MFSD6: variants seen among roughly 807,000 people sequenced by gnomAD.
The protein encoded by MFSD6 is major facilitator superfamily domain-containing protein 6.
MFSD6 carries 26 observed loss-of-function variants against 56.3 expected under a neutral mutation model. That is an observed-to-expected ratio of 0.46 (90% CI 0.34 to 0.64). The LOEUF (loss-of-function observed/expected upper bound fraction) is 0.64, where lower values mean the gene tolerates loss of function less well. Among genes scored for constraint, MFSD6 ranks in the 30% least tolerant of loss-of-function variants. The pLI is 0.01. For synonymous variants in MFSD6, 331 were observed against 366.9 expected, an observed-to-expected ratio of 0.90 and a Z score of 1.12; for missense variants, 750 against 986.2, an observed-to-expected ratio of 0.76 and a Z score of 3.21.
rs530176014 is a variant in MFSD6 at position 190,423,154 on chromosome 2, C to T, written c.-54+7741C>T. ...GTATCCTGTACCCCCTGACTTTTCC[C>T]CAGTGATAACATCTTGCAAAACTAT... On this transcript the variant is annotated intron_variant, in intron 2 of 7. Transcript: ENST00000392328. The surrounding 1 kb of genome is among the most constrained non-coding windows in gnomAD (Gnocchi z 4.3). 6.6e-6 allele frequency among the ~76,000 whole-genome samples: 1 copy of T among 152,268 alleles called. No homozygotes were observed. Among genetic ancestry groups the T allele is most frequent in the Non-Finnish European group, 1.5e-5 (1 of 68,016 alleles).
chr2:190,444,298 A>G (rs1444255082), intron 3 of MFSD6, among the ~76,000 whole-genome samples: 1 of 152,216 alleles, frequency 6.6e-6, no homozygotes, highest in Non-Finnish European at 1.5e-5. Context: ...AGCCCAGTGT[A>G]TGAGTATTCT....
chr2:190,488,933 G>T lies in MFSD6; in HGVS notation c.1792+115G>T. 1 of 1,033,354 alleles carries T rather than the reference G, an allele frequency of 9.7e-7. No homozygotes were observed. The highest frequency in any genetic ancestry group is 2.8e-5 in the East Asian group (1 of 35,322). 64.0% of individuals were successfully genotyped at this position (1,033,354 alleles called of 1,614,324 possible). A position where few individuals can be genotyped will look rare whatever the true frequency, so the allele number is the denominator to read the frequency against. On this transcript the variant is annotated intron_variant, in intron 5 of 7. Coordinates refer to ENST00000392328, the MANE Select transcript of MFSD6 (RefSeq NM_017694.4). The surrounding 1 kb of genome is among the most constrained non-coding windows in gnomAD (Gnocchi z 6.4). ...GAAGATTGCCCAAAGCTAAATTCCA[G>T]TATTCATAATCTCTTTCTAGATTTC...
chr2:190,446,214 T>C (rs941133466), intron 3 of MFSD6, among the ~76,000 whole-genome samples: 1 of 152,200 alleles, frequency 6.6e-6, no homozygotes, highest in Non-Finnish European at 1.5e-5. Flanking sequence ...CTGAACTTTA[T>C]CTGAGTTTTA....
rs1344159911 is a variant in MFSD6 at position 190,410,724 on chromosome 2, A to AT, written c.-176+2225dup. Among the ~76,000 whole-genome samples the AT allele has an allele frequency of 2.6e-5, 4 of 152,088 alleles. No individual in the cohort carries two copies. The highest frequency in any genetic ancestry group is 9.7e-5 in the African/African-American group (4 of 41,392). On this transcript the variant is annotated intron_variant, in intron 1 of 7. Coordinates refer to ENST00000392328, the MANE Select transcript of MFSD6 (RefSeq NM_017694.4). This position sits in a 1 kb window ranked among gnomAD's most constrained non-coding sequence, Gnocchi z 4.4. ...TGCAAAAAATGTGTGTCTGCTAGCT[A>AT]TTTTGCACATTGGCTGAAAAATCAA...
In MFSD6 at chr2:190,499,647, C is replaced by T. The variant is rs1357626048; in HGVS notation, c.2173-368C>T. Among the ~76,000 whole-genome samples the T allele has an allele frequency of 2.6e-5, 4 of 152,226 alleles. No homozygotes were observed. The highest frequency in any genetic ancestry group is 6.5e-5 in the Admixed American group (1 of 15,286). On this transcript the variant is annotated intron_variant, in intron 7 of 7. Transcript: ENST00000392328. This position sits in a 1 kb window ranked among gnomAD's most constrained non-coding sequence, Gnocchi z 6.0. ...TCTTGGATTCTGTGGTCTTAGCAAG[C>T]GGCCTGAGTTTCAGTTATTCCATAG... is the stretch of plus-strand genomic sequence containing the variant.
chr2:190,409,071 C>T (rs533847740), intron 1 of MFSD6, among the ~76,000 whole-genome samples: 1 of 152,106 alleles, frequency 6.6e-6, no homozygotes, highest in South Asian at 2.1e-4. Flanking sequence ...TTAATAAATA[C>T]GGAAAAAAAA....
chr2:190,408,371 AGCGCGCGAGCAGCCCGGGATGGT>A lies in MFSD6; in HGVS notation c.-301_-279del, dbSNP rs1387050004. On this transcript the variant is annotated 5_prime_UTR_variant, in exon 1 of 8. It removes an upstream start codon present in the reference 5' UTR. Coordinates refer to ENST00000392328, the MANE Select transcript of MFSD6 (RefSeq NM_017694.4). ...GCCCAGCCCGTCGCAGCCCCGGAGG[AGCGCGCGAGCAGCCCGGGATGGT>A]GCGCGCTGCCCCGACAGCCGCCGCC... The A allele has an allele frequency of 1.3e-5, 2 of 149,344 alleles. No individual in the cohort carries two copies. Among genetic ancestry groups the A allele is most frequent in the Non-Finnish European group, 3.0e-5 (2 of 67,066 alleles). The allele number at this position is 149,344 out of a possible 1,614,324, so 9.3% of individuals were successfully genotyped here.
intron 2 of MFSD6, among the ~76,000 whole-genome samples, chr2:190,427,757 G>A (rs1438535784): frequency 6.6e-6 from 1 of 150,384 alleles, no homozygotes; most frequent in Non-Finnish European, 1.5e-5. Flanking sequence ...TTGAGACAGA[G>A]TTTCACTCTT....
chr2:190,484,518 T>C (rs1688899088), intron 4 of MFSD6, among the ~76,000 whole-genome samples: 1 of 152,214 alleles, frequency 6.6e-6, no homozygotes, highest in Admixed American at 6.5e-5. Context: ...GTCTTACAAA[T>C]ATGGGAAATG....
At position 190,500,361 on chromosome 2, in the gene MFSD6, A is replaced by T; in HGVS notation, c.*143A>T. ...TAAATATCTAAACTCATTAACATGG[A>T]AACACACACACAGGAGCTACAGTAC... is the stretch of plus-strand genomic sequence containing the variant. On this transcript the variant is annotated 3_prime_UTR_variant, in exon 8 of 8. Coordinates refer to ENST00000392328, the MANE Select transcript of MFSD6 (RefSeq NM_017694.4). This position sits in a 1 kb window ranked among gnomAD's most constrained non-coding sequence, Gnocchi z 5.3. The T allele has an allele frequency of 3.7e-6, 3 of 812,766 alleles. No homozygotes were observed. The highest frequency in any genetic ancestry group is 3.6e-5 in the South Asian group (2 of 56,338). The allele number at this position is 812,766 out of a possible 1,614,324, so 50.3% of individuals were successfully genotyped here.
In MFSD6 at chr2:190,412,321, A is replaced by G. The variant is rs960173806; in HGVS notation, c.-175-2971A>G. 29 of 984,120 alleles carry G rather than the reference A, an allele frequency of 2.9e-5. No homozygotes were observed. Among genetic ancestry groups the G allele is most frequent in the Non-Finnish European group, 3.4e-5 (28 of 828,850 alleles). The allele number at this position is 984,120 out of a possible 1,614,324, so 61.0% of individuals were successfully genotyped here. A position where few individuals can be genotyped will look rare whatever the true frequency, so the allele number is the denominator to read the frequency against. ...AGAGGGAATTGTAAAAGTATTTTAC[A>G]GAAGAGATATTCTCACAATTTTAGG... On this transcript the variant is annotated intron_variant, in intron 1 of 7. Coordinates refer to ENST00000392328, the MANE Select transcript of MFSD6 (RefSeq NM_017694.4). This position sits in a 1 kb window ranked among gnomAD's most constrained non-coding sequence, Gnocchi z 4.1.
In MFSD6 at chr2:190,461,975, C is replaced by T. The variant is rs6434392; in HGVS notation, c.1533-7783C>T. ...TTTGACAGTACTTTTTTCCCTACCA[C>T]TTAAATCTTTATTATTATGTGATTA... On this transcript the variant is annotated intron_variant, in intron 3 of 7. Transcript: ENST00000392328. This position sits in a 1 kb window ranked among gnomAD's most constrained non-coding sequence, Gnocchi z 5.5. 0.9 allele frequency among the ~76,000 whole-genome samples: 136,598 copies of T among 152,068 alleles called. 61,816 individuals carry two copies. Among genetic ancestry groups the T allele is most frequent in the East Asian group, 1 (5,164 of 5,178 alleles).
rs200423423 is a variant in MFSD6 at position 190,487,905 on chromosome 2, T to A, written c.1631-752T>A. On this transcript the variant is annotated intron_variant, in intron 4 of 7. Transcript: ENST00000392328. This position sits in a 1 kb window ranked among gnomAD's most constrained non-coding sequence, Gnocchi z 5.5. ...TTTCTAGTTACCTAGTCAAAATAAT[T>A]TTTTTTTCTTTTTTGAGACAGAATC... is the stretch of plus-strand genomic sequence containing the variant. 9.0e-6 allele frequency among the ~76,000 whole-genome samples: 1 copy of A among 111,658 alleles called. No individual in the cohort carries two copies. The allele number at this position is 111,658 out of a possible 152,430, so 73.3% of individuals were successfully genotyped here.
chr2:190,479,822 T>G (rs1236570916), intron 4 of MFSD6, among the ~76,000 whole-genome samples: 3 of 152,214 alleles, frequency 2.0e-5, no homozygotes, highest in African/African-American at 7.2e-5. Context: ...TAGGATGCTC[T>G]ATCAGTGGGA....
intron 4 of MFSD6, among the ~76,000 whole-genome samples, chr2:190,473,171 G>A (rs1395368182): frequency 2.0e-5 from 3 of 152,146 alleles, no homozygotes; most frequent in Non-Finnish European, 4.4e-5. Context: ...GGAAGAAACT[G>A]CATCAACCAA....
Position 190,456,632 on chromosome 2 carries a change from C to T in MFSD6, c.1533-13126C>T, listed in dbSNP as rs144523323. 6.3e-3 allele frequency among the ~76,000 whole-genome samples: 966 copies of T among 152,332 alleles called. 8 individuals carry two copies. The highest frequency in any genetic ancestry group is 0.034 in the Middle Eastern group (10 of 294). On this transcript the variant is annotated intron_variant, in intron 3 of 7. Coordinates refer to ENST00000392328, the MANE Select transcript of MFSD6 (RefSeq NM_017694.4). This position sits in a 1 kb window ranked among gnomAD's most constrained non-coding sequence, Gnocchi z 5.4. Reference sequence around the variant, plus strand: ...CTCTGTGGCCTGTTCACACCCCTCTCCTTTCACAATCCTGTGTATGGTGCC... The same window carrying T: ...CTCTGTGGCCTGTTCACACCCCTCTTCTTTCACAATCCTGTGTATGGTGCC...
intron 4 of MFSD6, among the ~76,000 whole-genome samples, chr2:190,474,362 A>C (rs1404020892): frequency 2.0e-5 from 3 of 152,222 alleles, no homozygotes; most frequent in Non-Finnish European, 2.9e-5. Flanking sequence ...AAATAGACGC[A>C]ATAAAAAATG....
Position 190,469,856 on chromosome 2 carries a change from G to A in MFSD6, c.1630+1G>A. On this transcript the variant is annotated splice_donor_variant, in intron 4 of 7. Coordinates refer to ENST00000392328, the MANE Select transcript of MFSD6 (RefSeq NM_017694.4). LOFTEE classifies it high-confidence loss of function. This position sits in a 1 kb window ranked among gnomAD's most constrained non-coding sequence, Gnocchi z 5.3. ...GTTCTCCCCATGGAAGTTCTTCAAG[G>A]TAAGTTAACAGCTGGGATTGAAATT... is the stretch of plus-strand genomic sequence containing the variant. 1 of 1,585,332 alleles carries A rather than the reference G, an allele frequency of 6.3e-7. No individual in the cohort carries two copies. Among genetic ancestry groups the A allele is most frequent in the Non-Finnish European group, 8.6e-7 (1 of 1,158,380 alleles).
chr2:190,450,419 T>C (rs192117030), intron 3 of MFSD6, among the ~76,000 whole-genome samples: 6 of 151,954 alleles, frequency 3.9e-5, no homozygotes, highest in Non-Finnish European at 7.4e-5. Flanking sequence ...TTTTTTCTGC[T>C]GAAAACATCT....
Sources: gnomAD v4.1 joint callset for allele counts (sites outside exome capture counted in the v4.1 genomes callset) on GRCh38, gnomAD v4.1.1 for gene constraint, Gnocchi (gnomAD v3.1) non-coding constraint, MANE v1.5 for transcripts, NCBI Gene and HGNC (gene_info 2026-07-23, HGNC 2026-07-21) for gene names.